EYS: variants seen among roughly 807,000 people sequenced by gnomAD.
The protein encoded by EYS is protein eyes shut homolog.
Under a neutral mutation model 282.1 loss-of-function variants are expected in EYS, and 250 were observed. The observed-to-expected ratio is 0.89, with a 90% CI of 0.80 to 0.98. EYS has a LOEUF of 0.98. Among genes scored for constraint, EYS ranks in the 50% least tolerant of loss-of-function variants. EYS has a pLI of 0.00. For missense variants in EYS, 4,016 were observed against 3,709.0 expected (o/e 1.08, Z -2.15); for synonymous variants, 1,355 against 1,282.9 (o/e 1.06, Z -1.20).
At chr6:65,404,878 T>G (rs1766659846) in intron 6 of EYS, among the ~76,000 whole-genome samples, 1 of 152,054 alleles carries the variant, frequency 6.6e-6, no homozygotes, top group South Asian at 2.1e-4. Context: ...ATTTAAATGT[T>G]AAATTGAAAA....
Position 64,066,428 on chromosome 6 carries a change from A to G in EYS, c.6635T>C (p.Val2212Ala), listed in dbSNP as rs1305843734. The change falls in exon 33 of 43, where the codon GTT becomes GCT. Residue 2212 changes from valine to alanine, a missense_variant. Physicochemically the swap from Val to Ala is moderately conservative, Grantham distance 64. Coordinates refer to ENST00000503581, the MANE Select transcript of EYS (RefSeq NM_001142800.2). Reference protein sequence around the residue: ...HLFLVEGRPSVKYGCGNSQNI... With the variant: ...HLFLVEGRPSAKYGCGNSQNI... ...TTGAGAATTTCCACACCCATATTTAACTGATGGCCTTCCTTCCACAAGAAA... is the reference window on the plus strand; with the variant it reads ...TTGAGAATTTCCACACCCATATTTAGCTGATGGCCTTCCTTCCACAAGAAA... The G allele has an allele frequency of 4.5e-6, 7 of 1,549,840 alleles. No individual in the cohort carries two copies. The highest frequency in any genetic ancestry group is 6.1e-6 in the Non-Finnish European group (7 of 1,145,398).
chr6:63,946,005 T>C (rs1765387010), intron 35 of EYS, among the ~76,000 whole-genome samples: 1 of 152,186 alleles, frequency 6.6e-6, no homozygotes, highest in African/African-American at 2.4e-5. Flanking sequence ...GAGTTCAGGG[T>C]TCTCTTCATG....
At chr6:64,027,674 A>C (rs1348892895) in intron 33 of EYS, among the ~76,000 whole-genome samples, 1 of 152,174 alleles carries the variant, frequency 6.6e-6, no homozygotes, top group Non-Finnish European at 1.5e-5. Context: ...GGACACTTTA[A>C]AAAAGATTGT....
chr6:64,273,169 T>G (rs1009732097), intron 30 of EYS, among the ~76,000 whole-genome samples: 4 of 152,226 alleles, frequency 2.6e-5, no homozygotes, highest in African/African-American at 7.2e-5. Context: ...GTCTCTTTAT[T>G]CTGCTTTTTG....
chr6:64,702,634 T>C (rs993471776), intron 22 of EYS, among the ~76,000 whole-genome samples: 2 of 152,118 alleles, frequency 1.3e-5, no homozygotes, highest in African/African-American at 4.8e-5. Flanking sequence ...GTCCTTTCTG[T>C]TGATCTCTGG....
intron 29 of EYS, among the ~76,000 whole-genome samples, chr6:64,313,318 A>C (rs561544056): frequency 2.3e-4 from 17 of 72,866 alleles, no homozygotes; most frequent in Admixed American, 1.8e-3. Flanking sequence ...TAAAGCAAGA[A>C]GACAAGATTA....
At chr6:64,424,147 A>G (rs1774325773) in intron 28 of EYS, among the ~76,000 whole-genome samples, 1 of 152,212 alleles carries the variant, frequency 6.6e-6, no homozygotes, top group South Asian at 2.1e-4. Flanking sequence ...AGTTGAGTTA[A>G]TGATTTTATC....
chr6:64,499,347 G>A (rs1464406351), intron 26 of EYS, among the ~76,000 whole-genome samples: 2 of 152,080 alleles, frequency 1.3e-5, no homozygotes, highest in South Asian at 2.1e-4. Flanking sequence ...TAATTCAACC[G>A]AACAGAAAAT....
chr6:65,013,845 A>G (rs1462599945), intron 13 of EYS, among the ~76,000 whole-genome samples: 2 of 152,178 alleles, frequency 1.3e-5, no homozygotes, highest in African/African-American at 4.8e-5. Flanking sequence ...AGCCTGGGAA[A>G]CAGTGAGACT....
intron 22 of EYS, among the ~76,000 whole-genome samples, chr6:64,686,314 T>C (rs1187865668): frequency 1.3e-5 from 2 of 151,874 alleles, no homozygotes; most frequent in South Asian, 4.1e-4. Context: ...GAGAAATCTT[T>C]TATAAATAAA....
intron 31 of EYS, among the ~76,000 whole-genome samples, chr6:64,141,227 A>G (rs148538138): frequency 2.6e-5 from 4 of 152,336 alleles, no homozygotes; most frequent in East Asian, 1.9e-4. Context: ...AATTCTTCAC[A>G]TATAGATATA....
chr6:63,864,129 C>T, intron 36 of EYS, 57 bp downstream of exon 36: 1 of 1,383,502 alleles, frequency 7.2e-7, no homozygotes, highest in Non-Finnish European at 9.5e-7. Flanking sequence ...TGAGTGATTT[C>T]TATCCTCTTC....
chr6:63,736,688 T>C (rs1768922372), intron 41 of EYS, among the ~76,000 whole-genome samples: 1 of 152,202 alleles, frequency 6.6e-6, no homozygotes. Context: ...AGTACGGCCA[T>C]TTTCACGATA....
intron 31 of EYS, among the ~76,000 whole-genome samples, chr6:64,091,102 T>C (rs963059563): frequency 3.3e-5 from 5 of 152,194 alleles, no homozygotes; most frequent in African/African-American, 1.2e-4. Context: ...CTTGGCACTT[T>C]GAACATTCAT....
rs531489612 is a variant in EYS at position 63,906,341 on chromosome 6, T to A, written c.7056-41983A>T. On this transcript the variant is annotated intron_variant, in intron 35 of 42. Transcript: ENST00000503581. ...TGCCATCCACAAATTACGGCACCTA[T>A]TATGCAAATAATGCCTGCAAAAGAA... Among the ~76,000 whole-genome samples the A allele has an allele frequency of 3.9e-5, 6 of 152,362 alleles. No individual in the cohort carries two copies. In the South Asian group the frequency reaches 1.2e-3, roughly 32 times the overall value.
intron 12 of EYS, among the ~76,000 whole-genome samples, chr6:65,291,083 CT>C: frequency 6.6e-6 from 1 of 151,492 alleles, no homozygotes; most frequent in East Asian, 1.9e-4. Flanking sequence ...GTAATTCTCT[CT>C]AGAAATAATA....
chr6:65,314,522 G>A (rs1306909112), intron 11 of EYS, among the ~76,000 whole-genome samples: 1 of 139,320 alleles, frequency 7.2e-6, no homozygotes, highest in Non-Finnish European at 1.5e-5. Context: ...AGGTTCAAAA[G>A]CACTCAACCC....
intron 5 of EYS, among the ~76,000 whole-genome samples, chr6:65,427,376 C>G (rs1003603136): frequency 6.6e-6 from 1 of 151,662 alleles, no homozygotes; most frequent in African/African-American, 2.4e-5. Flanking sequence ...TGCATTTACA[C>G]GTTTAAATTT....
At chr6:65,034,920 T>C (rs1318874355) in intron 13 of EYS, among the ~76,000 whole-genome samples, 1 of 151,830 alleles carries the variant, frequency 6.6e-6, no homozygotes, top group Non-Finnish European at 1.5e-5. Context: ...AAAAGAAAAA[T>C]TTAGACCGAT....
Sources: gnomAD v4.1 joint callset for allele counts (sites outside exome capture counted in the v4.1 genomes callset) on GRCh38, gnomAD v4.1.1 for gene constraint, MANE v1.5 for transcripts, NCBI Gene and HGNC (gene_info 2026-07-23, HGNC 2026-07-21) for gene names.